Variants in RAD51B observed in about 807,000 individuals in gnomAD.
The protein encoded by RAD51B is RAD51 paralog B.
RAD51B carries 38 observed loss-of-function variants against 42.2 expected under a neutral mutation model. The observed-to-expected ratio is 0.90, with a 90% confidence interval of 0.70 to 1.18. RAD51B has a LOEUF of 1.18. RAD51B is among the 50% of genes most tolerant of loss of function. RAD51B has a pLI of 0.00. For synonymous variants in RAD51B, 154 were observed against 145.2 expected, an observed-to-expected ratio of 1.06 and a Z score of -0.43; for missense variants, 373 against 400.7, an observed-to-expected ratio of 0.93 and a Z score of 0.59.
intron 7 of RAD51B, among the ~76,000 whole-genome samples, chr14:68,087,592 GA>G (rs1397919723): frequency 6.6e-6 from 1 of 151,144 alleles, no homozygotes; most frequent in Admixed American, 6.6e-5. Context: ...TGTGGAACCA[GA>G]AAAAAAATCT....
intron 7 of RAD51B, among the ~76,000 whole-genome samples, chr14:68,102,363 A>C (rs1324465062): frequency 2.0e-5 from 3 of 152,136 alleles, no homozygotes; most frequent in African/African-American, 7.2e-5. Context: ...ATTTTTTAAA[A>C]CTTTATGCTT....
At chr14:68,598,030 G>A (rs181976655), downstream of RAD51B, among the ~76,000 whole-genome samples, 27 of 152,138 alleles carry the variant, frequency 1.8e-4, no homozygotes, top group African/African-American at 3.4e-4. Context: ...ATAGACGGCC[G>A]TCCTAGAGAC....
At chr14:68,017,863 C>T (rs189213208) in intron 7 of RAD51B, among the ~76,000 whole-genome samples, 10 of 151,964 alleles carry the variant, frequency 6.6e-5, no homozygotes, top group Admixed American at 6.6e-5. Context: ...CCCAGCTACT[C>T]GGGACGCTGA....
chr14:68,463,420 G>C (rs937497177), intron 9 of RAD51B, among the ~76,000 whole-genome samples: 6 of 151,866 alleles, frequency 4.0e-5, no homozygotes, highest in African/African-American at 1.5e-4. Flanking sequence ...TATACTACTA[G>C]CATATAATAT....
At chr14:67,983,166 T>C (rs887444777) in intron 7 of RAD51B, among the ~76,000 whole-genome samples, 2 of 152,210 alleles carry the variant, frequency 1.3e-5, no homozygotes, top group Non-Finnish European at 2.9e-5. Flanking sequence ...TTATCCCAAG[T>C]GAGGACTTAG....
intron 10 of RAD51B, among the ~76,000 whole-genome samples, chr14:68,518,561 C>CCCT (rs1555422193): frequency 6.6e-6 from 1 of 150,580 alleles, no homozygotes; most frequent in Non-Finnish European, 1.5e-5. Flanking sequence ...TGAGCCCCCC[C>CCCT]CCCAGGCCTC....
downstream of RAD51B, among the ~76,000 whole-genome samples, chr14:68,615,716 C>CT (rs1377453037): frequency 6.6e-6 from 1 of 152,136 alleles, no homozygotes; most frequent in South Asian, 2.1e-4. Flanking sequence ...CTAAAGTCTT[C>CT]TTTTTTTATT....
intron 7 of RAD51B, among the ~76,000 whole-genome samples, chr14:67,932,511 C>T (rs556788084): frequency 3.1e-4 from 47 of 152,144 alleles, no homozygotes; most frequent in African/African-American, 1.1e-3. Context: ...TTTAGTGGGA[C>T]CAAGAGGTTC....
chr14:68,583,090 G>A (rs1323427398), intron 10 of RAD51B, among the ~76,000 whole-genome samples: 9 of 152,150 alleles, frequency 5.9e-5, no homozygotes, highest in Admixed American at 5.9e-4. Flanking sequence ...CATGGCATGT[G>A]TATACCAGTG....
intron 10 of RAD51B, among the ~76,000 whole-genome samples, chr14:68,531,478 T>A (rs2525515): frequency 0.92 from 140,366 of 152,200 alleles, 65,569 homozygotes; most frequent in Non-Finnish European, 0.99. Flanking sequence ...AATGGAATCT[T>A]GGGAAATATA....
At chr14:68,090,820 T>TA (rs1272250311) in intron 7 of RAD51B, among the ~76,000 whole-genome samples, 5 of 151,168 alleles carry the variant, frequency 3.3e-5, no homozygotes, top group Non-Finnish European at 7.4e-5. Context: ...CATTTAGCAT[T>TA]AGGTATATCT....
At chr14:68,159,161 CA>C (rs1566691478) in intron 7 of RAD51B, among the ~76,000 whole-genome samples, 1 of 151,844 alleles carries the variant, frequency 6.6e-6, no homozygotes, top group Non-Finnish European at 1.5e-5. Context: ...GTAATAACAT[CA>C]GCCATGAGTT....
chr14:68,316,208 G>C (rs1478662871), intron 8 of RAD51B, among the ~76,000 whole-genome samples: 1 of 152,212 alleles, frequency 6.6e-6, no homozygotes, highest in Non-Finnish European at 1.5e-5. Flanking sequence ...TTTAAACTTT[G>C]TAAGTTCTGC....
At chr14:68,325,523 G>A (rs12323708) in intron 8 of RAD51B, among the ~76,000 whole-genome samples, 22,692 of 151,300 alleles carry the variant, frequency 0.15, 2,444 homozygotes, top group African/African-American at 0.31. Flanking sequence ...TTTATCTTTC[G>A]TCCTTGACTT....
At position 68,565,455 on chromosome 14, in the gene RAD51B, C is replaced by G. The variant is rs886852451; in HGVS notation, c.1037-29030C>G. Among the ~76,000 whole-genome samples, 2 of 152,080 alleles carry G rather than the reference C, an allele frequency of 1.3e-5. No individual in the cohort carries two copies. Among genetic ancestry groups the G allele is most frequent in the Non-Finnish European group, 2.9e-5 (2 of 68,018 alleles). ...TTTCTGTTTGGAGTTTTGCACAGCC[C>G]TTTAAGAGGAGACTTCAGAGTGAGA... On this transcript the variant is annotated intron_variant, in intron 10 of 10. Coordinates refer to the RAD51B transcript ENST00000487270. This position sits in a 1 kb window ranked among gnomAD's most constrained non-coding sequence, Gnocchi z 4.1.
chr14:68,398,710 C>G (rs2140040298), intron 8 of RAD51B, among the ~76,000 whole-genome samples: 1 of 152,256 alleles, frequency 6.6e-6, no homozygotes, highest in South Asian at 2.1e-4. Context: ...TTAAGTCAGT[C>G]TTAAAAACTG....
At chr14:68,263,918 C>T (rs1186004411) in intron 7 of RAD51B, among the ~76,000 whole-genome samples, 1 of 152,244 alleles carries the variant, frequency 6.6e-6, no homozygotes, top group African/African-American at 2.4e-5. Flanking sequence ...GAGAAGTCAA[C>T]AGCAAATTTA....
At chr14:68,230,835 A>G (rs1044210826) in intron 7 of RAD51B, among the ~76,000 whole-genome samples, 68 of 152,334 alleles carry the variant, frequency 4.5e-4, no homozygotes, top group African/African-American at 1.6e-3. Flanking sequence ...ATCTTTGGTC[A>G]TTGTAGTTGC....
chr14:68,101,851 C>G (rs566112561), intron 7 of RAD51B, among the ~76,000 whole-genome samples: 2 of 152,256 alleles, frequency 1.3e-5, no homozygotes, highest in Non-Finnish European at 2.9e-5. Context: ...CCGACATTTC[C>G]CTTCTGCACT....
Sources: allele counts gnomAD v4.1 joint callset (sites outside exome capture counted in the v4.1 genomes callset), GRCh38; gene constraint gnomAD v4.1.1; non-coding constraint Gnocchi (gnomAD v3.1); transcripts MANE v1.5; gene names NCBI Gene and HGNC (gene_info 2026-07-23, HGNC 2026-07-21).